The following PCDHA1 variants were observed in gnomAD, a reference collection of about 807,000 sequenced individuals.
PCDHA1 encodes protocadherin alpha-1.
In PCDHA1, 42 loss-of-function variants were observed where a neutral mutation model predicts 61.3. The observed-to-expected ratio is 0.69, with a 90% CI of 0.54 to 0.89. The LOEUF (loss-of-function observed/expected upper bound fraction) is 0.89, where lower values mean the gene tolerates loss of function less well. Ranked by LOEUF, PCDHA1 falls within the 40% of genes least tolerant of loss-of-function variation. The pLI is 0.00. For synonymous variants in PCDHA1, 610 were observed against 553.8 expected (o/e 1.10, Z -1.43); for missense variants, 1,256 against 1,235.3 (o/e 1.02, Z -0.25).
intron 1 of PCDHA1, among the ~76,000 whole-genome samples, chr5:140,798,325 G>A (rs1762316768): frequency 6.6e-6 from 1 of 152,128 alleles, no homozygotes; most frequent in South Asian, 2.1e-4. Flanking sequence ...CCATTATTTG[G>A]TATAAAGATT....
chr5:140,838,334 G>A lies in PCDHA1; in HGVS notation c.2394+49650G>A, dbSNP rs2150288149. Among the ~76,000 whole-genome samples the A allele has an allele frequency of 6.8e-5, 10 of 146,222 alleles. 1 individual carries two copies. The South Asian group carries it at 1.1e-3, about 16-fold the overall frequency. On this transcript the variant is annotated intron_variant, in intron 1 of 3. Coordinates refer to ENST00000504120, the MANE Select transcript of PCDHA1 (RefSeq NM_018900.4). ...AAACAGAGTTTCACCATGTTGCCCCGGCTGGTCTCGAAATCTGGGACTCAA... is the reference window on the plus strand; with the variant it reads ...AAACAGAGTTTCACCATGTTGCCCCAGCTGGTCTCGAAATCTGGGACTCAA...
At chr5:140,821,787 C>T in intron 1 of PCDHA1, 2 of 1,611,374 alleles carry the variant, frequency 1.2e-6, no homozygotes, top group East Asian at 4.5e-5. Context: ...TGGTATATTC[C>T]CGGAGAGGAA....
intron 3 of PCDHA1, among the ~76,000 whole-genome samples, chr5:140,990,611 G>A (rs577900189): frequency 6.6e-6 from 1 of 152,116 alleles, no homozygotes; most frequent in Non-Finnish European, 1.5e-5. Context: ...GATGAATACC[G>A]TAAAGGTCTG....
At chr5:140,897,471 G>A (rs1260992963) in intron 1 of PCDHA1, among the ~76,000 whole-genome samples, 3 of 151,810 alleles carry the variant, frequency 2.0e-5, no homozygotes, top group Non-Finnish European at 4.4e-5. Flanking sequence ...AGTTTACTGA[G>A]AATGATGATT....
At chr5:140,849,614 T>C (rs2040994208) in intron 1 of PCDHA1, 1 of 1,598,700 alleles carries the variant, frequency 6.3e-7, no homozygotes, top group East Asian at 2.2e-5. Flanking sequence ...CCCTGATTAG[T>C]GTGATCGACC....
At chr5:140,808,448 T>C (rs1554124549) in intron 1 of PCDHA1, 6 of 1,614,100 alleles carry the variant, frequency 3.7e-6, no homozygotes, top group Middle Eastern at 1.7e-4. Context: ...CGTGTCAGCC[T>C]ATGAGCTGGT....
chr5:140,796,868 G>A, intron 1 of PCDHA1: 6 of 1,614,054 alleles, frequency 3.7e-6, no homozygotes, highest in Non-Finnish European at 5.1e-6. Flanking sequence ...AGCACGACAC[G>A]TGCCCTAGAC....
chr5:140,882,453 G>A, intron 1 of PCDHA1: 3 of 1,614,042 alleles, frequency 1.9e-6, no homozygotes, highest in Non-Finnish European at 2.5e-6. Flanking sequence ...CTGGTGCCGC[G>A]CCTGTTCCGG....
At chr5:140,885,798 T>C (rs1269362409) in intron 1 of PCDHA1, among the ~76,000 whole-genome samples, 1 of 152,186 alleles carries the variant, frequency 6.6e-6, no homozygotes, top group East Asian at 1.9e-4. Context: ...TTGTCATATG[T>C]ATTTTGTTGA....
intron 1 of PCDHA1, among the ~76,000 whole-genome samples, chr5:140,932,100 CTG>C (rs2088033860): frequency 6.6e-6 from 1 of 151,792 alleles, no homozygotes; most frequent in African/African-American, 2.4e-5. Context: ...GTTTTTATCT[CTG>C]TATTTCCAAT....
At chr5:140,931,035 C>A (rs2153606811) in intron 1 of PCDHA1, among the ~76,000 whole-genome samples, 1 of 152,250 alleles carries the variant, frequency 6.6e-6, no homozygotes, top group Non-Finnish European at 1.5e-5. Context: ...GTAGAGCTAG[C>A]AAGAAAAACT....
At chr5:140,808,178 T>C (rs782647325) in intron 1 of PCDHA1, 1 of 1,614,262 alleles carries the variant, frequency 6.2e-7, no homozygotes, top group Non-Finnish European at 8.5e-7. Flanking sequence ...GCTCCCACTT[T>C]CTGGCCATTG....
intron 1 of PCDHA1, chr5:140,835,483 C>G: frequency 3.1e-6 from 5 of 1,613,956 alleles, no homozygotes; most frequent in Non-Finnish European, 4.2e-6. Context: ...CAACCAGGTA[C>G]CGTCATCACA....
At chr5:140,841,880 G>C (rs1777553890) in intron 1 of PCDHA1, 18 of 1,613,708 alleles carry the variant, frequency 1.1e-5, no homozygotes, top group Non-Finnish European at 1.4e-5. Flanking sequence ...TTCAAAGAAC[G>C]ATGAGAATAA....
chr5:140,875,478 G>T, intron 1 of PCDHA1: 4 of 1,610,404 alleles, frequency 2.5e-6, no homozygotes, highest in Non-Finnish European at 3.4e-6. Flanking sequence ...CTGCAATGGT[G>T]ATTATCGGAC....
At chr5:140,807,353 C>G in intron 1 of PCDHA1, 2 of 1,610,912 alleles carry the variant, frequency 1.2e-6, no homozygotes, top group Non-Finnish European at 1.7e-6. Flanking sequence ...GGGACTGGAG[C>G]TGGCGGAGCT....
intron 1 of PCDHA1, chr5:140,829,251 G>A (rs1554131837): frequency 6.2e-7 from 1 of 1,614,150 alleles, no homozygotes; most frequent in East Asian, 2.2e-5. Context: ...CAGGTGAACT[G>A]CTCGCTGACG....
chr5:140,857,140 G>A, intron 1 of PCDHA1: 1 of 1,598,276 alleles, frequency 6.3e-7, no homozygotes, highest in Non-Finnish European at 8.6e-7. Context: ...ATGCTCAAGT[G>A]GGCACCGTCA....
rs782330832 is a variant in PCDHA1, at chr5:140,801,185, G to A, written c.2394+12501G>A. On this transcript the variant is annotated intron_variant, in intron 1 of 3. Coordinates refer to ENST00000504120, the MANE Select transcript of PCDHA1 (RefSeq NM_018900.4). ...CAATGTAAAGGCAATCTAATATTTG[G>A]AAAATACTTGCAATGTTGTTCTCCT... 59 of 1,575,978 alleles carry A rather than the reference G, an allele frequency of 3.7e-5. No homozygotes were observed. The Admixed American group carries it at 8.7e-4, about 23-fold the overall frequency.
Sources: allele counts gnomAD v4.1 joint callset (sites outside exome capture counted in the v4.1 genomes callset), GRCh38; gene constraint gnomAD v4.1.1; transcripts MANE v1.5; gene names NCBI Gene and HGNC (gene_info 2026-07-23, HGNC 2026-07-21).